GTF2IRD2: variants seen among roughly 807,000 people sequenced by gnomAD.
GTF2IRD2 encodes the protein GTF2I repeat domain containing 2.
Under a neutral mutation model 49.2 loss-of-function variants are expected in GTF2IRD2, and 8 were observed. The observed-to-expected ratio is 0.16, with a 90% confidence interval of 0.10 to 0.29. The LOEUF (loss-of-function observed/expected upper bound fraction) is 0.29, where lower values mean the gene tolerates loss of function less well. Ranked by LOEUF, GTF2IRD2 falls within the 10% of genes least tolerant of loss-of-function variation. GTF2IRD2 has a pLI of 1.00. For missense variants in GTF2IRD2, 130 were observed against 725.7 expected, an observed-to-expected ratio of 0.18 and a Z score of 9.43; for synonymous variants, 47 against 289.7, an observed-to-expected ratio of 0.16 and a Z score of 8.51.
intron 3 of GTF2IRD2, among the ~76,000 whole-genome samples, chr7:74,826,035 T>A (rs2131736348): frequency 6.6e-6 from 1 of 151,872 alleles, no homozygotes; most frequent in South Asian, 2.1e-4. Flanking sequence ...TCCGCCTGCC[T>A]CGGCCTCCCA....
At chr7:74,809,906 G>A (rs1798024661) in intron 10 of GTF2IRD2, among the ~76,000 whole-genome samples, 1 of 63,668 alleles carries the variant, frequency 1.6e-5, no homozygotes, top group African/African-American at 4.9e-5. Flanking sequence ...CAATCCTCGT[G>A]CCTCAGCCTC....
At chr7:74,818,486 G>A (rs1348641545) in intron 8 of GTF2IRD2, among the ~76,000 whole-genome samples, 3 of 110,478 alleles carry the variant, frequency 2.7e-5, no homozygotes, top group East Asian at 2.9e-4. Context: ...TTGAGACAAC[G>A]TCTCTCTCTG....
intron 1 of GTF2IRD2, among the ~76,000 whole-genome samples, chr7:74,836,851 C>T (rs1377959710): frequency 2.7e-5 from 4 of 146,716 alleles, no homozygotes; most frequent in Non-Finnish European, 4.5e-5. Flanking sequence ...TAGGTGTGAG[C>T]CACCACACCC....
At chr7:74,836,564 ATTTTATTTTG>A (rs1269643905) in intron 1 of GTF2IRD2, among the ~76,000 whole-genome samples, 181 bp from the exon 2 acceptor site, 5 of 149,820 alleles carry the variant, frequency 3.3e-5, no homozygotes, top group Admixed American at 6.6e-5. Flanking sequence ...AACTTATTTT[ATTTTATTTTG>A]TTTTATTTTG....
At chr7:74,835,203 GAC>G (rs1421118476) in intron 2 of GTF2IRD2, among the ~76,000 whole-genome samples, 1 of 141,824 alleles carries the variant, frequency 7.1e-6, no homozygotes, top group Non-Finnish European at 1.5e-5. Flanking sequence ...TTTTTCTTGA[GAC>G]AGAGTCTCGC....
At chr7:74,841,615 T>C (rs1209828061) in intron 1 of GTF2IRD2, among the ~76,000 whole-genome samples, 4 of 142,038 alleles carry the variant, frequency 2.8e-5, no homozygotes, top group Admixed American at 2.1e-4. Context: ...TGCAAGCCAC[T>C]ACACCTGGCT....
At position 74,796,811 on chromosome 7, in the gene GTF2IRD2, A is replaced by G; in HGVS notation, c.2701T>C (p.Tyr901His). ...AGAATCTTTGCGCAATGGTGCTTGT[A>G]TTTCGGGTAGCTACCCCAGAGGTAC... The part of the protein sequence containing the change: ...YKYLWGSYPK[Y>H]KHHCAKILSM... Residue 901 changes from tyrosine to histidine, a missense_variant, in exon 16 of 16, where the codon TAC becomes CAC. Tyr to His is a moderately conservative substitution (Grantham distance 83). Transcript: ENST00000451013. 1 of 554,100 alleles carries G rather than the reference A, an allele frequency of 1.8e-6. No homozygotes were observed. Among genetic ancestry groups the G allele is most frequent in the Non-Finnish European group, 3.1e-6 (1 of 317,518 alleles). 34.3% of individuals were successfully genotyped at this position (554,100 alleles called of 1,614,324 possible).
intron 3 of GTF2IRD2, among the ~76,000 whole-genome samples, chr7:74,829,720 CAAAAA>C (rs1156848156): frequency 1.1e-5 from 1 of 88,280 alleles, no homozygotes; most frequent in African/African-American, 4.3e-5. Context: ...TCTCAAAATA[CAAAAA>C]AAAAAAAAAA....
At chr7:74,830,436 G>A (rs2131757991) in intron 3 of GTF2IRD2, among the ~76,000 whole-genome samples, 1 of 147,238 alleles carries the variant, frequency 6.8e-6, no homozygotes, top group Non-Finnish European at 1.5e-5. Context: ...CTCAGAAGGT[G>A]GAGGTTTCAG....
At position 74,840,762 on chromosome 7, in the gene GTF2IRD2, C is replaced by T. The variant is rs1416010956; in HGVS notation, c.-5-4379G>A. Among the ~76,000 whole-genome samples, 7 of 138,836 alleles carry T rather than the reference C, an allele frequency of 5.0e-5. 1 individual carries two copies. Among genetic ancestry groups the T allele is most frequent in the African/African-American group, 1.5e-4 (5 of 33,876 alleles). The allele number at this position is 138,836 out of a possible 152,430, so 91.1% of individuals were successfully genotyped here. A position where few individuals can be genotyped will look rare whatever the true frequency, so the allele number is the denominator to read the frequency against. ...GAAGCACCTGATGCACTGGTCCCCA[C>T]GGGACCACATGCCAGGAGAGCCACG... is the stretch of plus-strand genomic sequence containing the variant. On this transcript the variant is annotated intron_variant, in intron 1 of 15. Transcript: ENST00000451013.
At chr7:74,819,299 C>T (rs1379209577) in intron 8 of GTF2IRD2, 2 of 295,974 alleles carry the variant, frequency 6.8e-6, no homozygotes, top group Non-Finnish European at 1.3e-5. Flanking sequence ...CAGCTCACTG[C>T]AGCCTCAGCC....
At position 74,841,998 on chromosome 7, in the gene GTF2IRD2, C is replaced by T. The variant is rs1276204370; in HGVS notation, c.-5-5615G>A. The stretch of plus-strand genomic sequence containing the variant: ...AATTAGCCGGGCATGGTGGCGCACG[C>T]CTGTAGTCCCAGCTACTCGGGAGGC... On this transcript the variant is annotated intron_variant, in intron 1 of 15. Coordinates refer to ENST00000451013, the MANE Select transcript of GTF2IRD2 (RefSeq NM_173537.5). Among the ~76,000 whole-genome samples the T allele has an allele frequency of 3.1e-4, 41 of 131,160 alleles. 2 individuals carry two copies. The highest frequency in any genetic ancestry group is 4.6e-4 in the Non-Finnish European group (29 of 63,272). The allele number at this position is 131,160 out of a possible 152,430, so 86.0% of individuals were successfully genotyped here.
intron 1 of GTF2IRD2, among the ~76,000 whole-genome samples, chr7:74,842,231 C>CTT (rs71267867): frequency 8.2e-6 from 1 of 121,904 alleles, no homozygotes; most frequent in Non-Finnish European, 1.7e-5. Context: ...TTTTAATTTT[C>CTT]TTTTTTTTTT....
In GTF2IRD2 at chr7:74,797,710, T is replaced by A. The variant is rs1463004620; in HGVS notation, c.1802A>T (p.Lys601Ile). ...SGNEIFSRVE[K>I]SLKNFCIDWS... ...GTCGATACAGAAGTTTTTCAGGCTTTTCTCAACACGCGAAAAGATCTCGTT... is the reference window on the plus strand; with the variant it reads ...GTCGATACAGAAGTTTTTCAGGCTTATCTCAACACGCGAAAAGATCTCGTT... Residue 601 changes from lysine (K) to isoleucine (I), a missense_variant, in exon 16 of 16, where the codon AAA becomes ATA. By Grantham distance (102) the Lys-to-Ile change is moderately radical (BLOSUM62 -3). Coordinates refer to ENST00000451013, the MANE Select transcript of GTF2IRD2 (RefSeq NM_173537.5). 2 of 1,475,758 alleles carry A rather than the reference T, an allele frequency of 1.4e-6. No homozygotes were observed. The highest frequency in any genetic ancestry group is 1.5e-5 in the African/African-American group (1 of 68,186). The allele number at this position is 1,475,758 out of a possible 1,614,324, so 91.4% of individuals were successfully genotyped here. A position where few individuals can be genotyped will look rare whatever the true frequency, so the allele number is the denominator to read the frequency against.
intron 3 of GTF2IRD2, among the ~76,000 whole-genome samples, chr7:74,829,507 C>T (rs1196567872): frequency 1.2e-4 from 16 of 134,978 alleles, no homozygotes; most frequent in Admixed American, 4.7e-4. Flanking sequence ...ATCTGTACTA[C>T]CAAAAGCCAT....
At chr7:74,815,797 G>GGAAA (rs1189790776) in intron 8 of GTF2IRD2, among the ~76,000 whole-genome samples, 1,593 of 45,756 alleles carry the variant, frequency 0.035, 28 homozygotes, top group East Asian at 0.06. Context: ...AAAGAAAGAA[G>GGAAA]GAAAGAAAGA....
chr7:74,831,246 C>CAT lies in GTF2IRD2; in HGVS notation c.238+1557_238+1558dup, dbSNP rs1204141274. 4.7e-4 allele frequency among the ~76,000 whole-genome samples: 70 copies of CAT among 149,552 alleles called. 1 individual carries two copies. Among genetic ancestry groups the CAT allele is most frequent in the Admixed American group, 1.9e-3 (28 of 14,804 alleles). On this transcript the variant is annotated intron_variant, in intron 3 of 15. Transcript: ENST00000451013. ...TCCATTCATCTAATCTATCTATATACATATATATATATAATTCCTGTCTCC... is the reference window on the plus strand; with the variant it reads ...TCCATTCATCTAATCTATCTATATACATATATATATATATAATTCCTGTCTCC...
intron 1 of GTF2IRD2, among the ~76,000 whole-genome samples, chr7:74,839,762 T>G (rs1800622911): frequency 2.9e-5 from 2 of 69,026 alleles, no homozygotes; most frequent in Non-Finnish European, 2.8e-5. Flanking sequence ...CCAACACTTT[T>G]GGAGGCTGAG....
intron 3 of GTF2IRD2, among the ~76,000 whole-genome samples, chr7:74,831,097 AG>A (rs1799804710): frequency 6.6e-6 from 1 of 150,898 alleles, no homozygotes; most frequent in African/African-American, 2.4e-5. Flanking sequence ...TATTATTTAA[AG>A]ATGGCTTCAT....
Sources: allele counts gnomAD v4.1 joint callset (sites outside exome capture counted in the v4.1 genomes callset), GRCh38; gene constraint gnomAD v4.1.1; transcripts MANE v1.5; gene names NCBI Gene and HGNC (gene_info 2026-07-23, HGNC 2026-07-21).